MOB1B: variants seen among roughly 807,000 people sequenced by gnomAD.
MOB1B encodes the protein MOB kinase activator 1B.
Under a neutral mutation model 24.4 loss-of-function variants are expected in MOB1B, and 19 were observed. That is an observed-to-expected ratio of 0.78 (90% CI 0.54 to 1.14). The LOEUF is 1.14. Among genes scored for constraint, MOB1B ranks in the 50% most tolerant of loss-of-function variants. The pLI, the probability that MOB1B is intolerant of heterozygous loss-of-function variation, is 0.00. For synonymous variants in MOB1B, 76 were observed against 82.1 expected, an observed-to-expected ratio of 0.93 and a Z score of 0.40; for missense variants, 243 against 259.6, an observed-to-expected ratio of 0.94 and a Z score of 0.44.
rs1739388221 is a variant in MOB1B at position 70,986,557 on chromosome 4, C to T, written c.*4500C>T. ...TTATCTGGGATATTAAAGAATCTAC[C>T]AATTCTTAAAAACACAGATTTATAC... is the stretch of plus-strand genomic sequence containing the variant. On this transcript the variant is annotated 3_prime_UTR_variant, in exon 6 of 6. Coordinates refer to ENST00000309395, the MANE Select transcript of MOB1B (RefSeq NM_173468.4). 6.6e-6 allele frequency: 1 copy of T among 151,814 alleles called. No individual in the cohort carries two copies. Among genetic ancestry groups the T allele is most frequent in the South Asian group, 2.1e-4 (1 of 4,816 alleles). The allele number at this position is 151,814 out of a possible 1,614,324, so 9.4% of individuals were successfully genotyped here.
chr4:70,937,884 C>T (rs1299122255), intron 1 of MOB1B, among the ~76,000 whole-genome samples: 1 of 151,722 alleles, frequency 6.6e-6, no homozygotes, highest in Non-Finnish European at 1.5e-5. Flanking sequence ...ATTTTCTATT[C>T]CTTGTATTTT....
In MOB1B at chr4:70,927,536, T is replaced by C. The variant is rs550827616; in HGVS notation, c.14+24986T>C. On this transcript the variant is annotated intron_variant, in intron 1 of 5. Coordinates refer to ENST00000309395, the MANE Select transcript of MOB1B (RefSeq NM_173468.4). The stretch of plus-strand genomic sequence containing the variant: ...GCCTGGGCAACAGAGTGAGAATCTG[T>C]CTCAAAAAAAAAAAAATTGCCGTCA... Among the ~76,000 whole-genome samples the C allele has an allele frequency of 1.1e-4, 16 of 149,482 alleles. No individual in the cohort carries two copies. The South Asian group carries it at 2.7e-3, about 26-fold the overall frequency.
At position 70,986,014 on chromosome 4, in the gene MOB1B, T is replaced by G. The variant is rs1578411513; in HGVS notation, c.*3957T>G. ...ACTATTTTGAAGTGGAAATTATCAC[T>G]TGGATGTGGAGGTTTTACTTTTTAA... On this transcript the variant is annotated 3_prime_UTR_variant, in exon 6 of 6. Coordinates refer to ENST00000309395, the MANE Select transcript of MOB1B (RefSeq NM_173468.4). 6.6e-6 allele frequency: 1 copy of G among 152,220 alleles called. No homozygotes were observed. The highest frequency in any genetic ancestry group is 2.4e-5 in the African/African-American group (1 of 41,468). 9.4% of individuals were successfully genotyped at this position (152,220 alleles called of 1,614,324 possible).
At chr4:70,974,812 A>G (rs938273974) in intron 3 of MOB1B, among the ~76,000 whole-genome samples, 2 of 152,222 alleles carry the variant, frequency 1.3e-5, no homozygotes, top group Non-Finnish European at 1.5e-5. Flanking sequence ...AAACAACCAT[A>G]AAGTCCAAAA....
At chr4:70,936,394 A>G (rs1300811509) in intron 1 of MOB1B, among the ~76,000 whole-genome samples, 2 of 152,160 alleles carry the variant, frequency 1.3e-5, no homozygotes, top group African/African-American at 4.8e-5. Flanking sequence ...ACCCAAACTG[A>G]AAGTAAAACT....
Position 70,958,919 on chromosome 4 carries a change from A to T in MOB1B, c.60A>T (p.Pro20=). 1 of 1,614,014 alleles carries T rather than the reference A, an allele frequency of 6.2e-7. No individual in the cohort carries two copies. Among genetic ancestry groups the T allele is most frequent in the Middle Eastern group, 1.6e-4 (1 of 6,062 alleles). Residue 20 remains proline (P), a synonymous_variant, in exon 2 of 6, where the codon CCA becomes CCT. Coordinates refer to ENST00000309395, the MANE Select transcript of MOB1B (RefSeq NM_173468.4). ...SKTFKPKKNI[P]EGSHQYELLK... The stretch of plus-strand genomic sequence containing the variant: ...CTTTTAAACCAAAGAAGAACATTCC[A>T]GAGGGTTCTCACCAGTATGAGCTCT...
rs1198930717 is a variant in MOB1B at position 70,986,101 on chromosome 4, C to A, written c.*4044C>A. ...AGTTAGATATACTAATGGAAAAAAA[C>A]CAAGTCCTTTCTCTAGAACTTGTTT... On this transcript the variant is annotated 3_prime_UTR_variant, in exon 6 of 6. Coordinates refer to ENST00000309395, the MANE Select transcript of MOB1B (RefSeq NM_173468.4). The A allele has an allele frequency of 1.3e-5, 2 of 152,064 alleles. No homozygotes were observed. The highest frequency in any genetic ancestry group is 2.4e-5 in the African/African-American group (1 of 41,396). The allele number at this position is 152,064 out of a possible 1,614,324, so 9.4% of individuals were successfully genotyped here.
intron 1 of MOB1B, among the ~76,000 whole-genome samples, chr4:70,927,805 G>A (rs554399619): frequency 1.3e-5 from 2 of 152,160 alleles, no homozygotes; most frequent in East Asian, 3.9e-4. Flanking sequence ...GGGCATTTCA[G>A]GTAGATATTG....
intron 2 of MOB1B, among the ~76,000 whole-genome samples, chr4:70,965,074 G>T (rs1490199948): frequency 1.3e-5 from 2 of 151,684 alleles, no homozygotes; most frequent in African/African-American, 4.8e-5. Context: ...GAGGTAGGTG[G>T]ATACTTGAGG....
intron 2 of MOB1B, 22 bp downstream of exon 2, chr4:70,959,062 C>A: frequency 6.2e-7 from 1 of 1,607,540 alleles, no homozygotes; most frequent in South Asian, 1.1e-5. Context: ...TTTTATTTCT[C>A]AGTAGCCTGT....
At chr4:70,957,419 G>A (rs1738108825) in intron 1 of MOB1B, among the ~76,000 whole-genome samples, 1 of 150,864 alleles carries the variant, frequency 6.6e-6, no homozygotes, top group African/African-American at 2.4e-5. Flanking sequence ...TTTAAAAATC[G>A]CTCGCTCTCT....
At chr4:70,913,492 C>T (rs1203175708) in intron 1 of MOB1B, among the ~76,000 whole-genome samples, 1 of 151,886 alleles carries the variant, frequency 6.6e-6, no homozygotes, top group African/African-American at 2.4e-5. Context: ...AGACAGCCCA[C>T]ATTGCCAGGG....
chr4:70,905,385 A>G (rs1735699836), intron 1 of MOB1B, among the ~76,000 whole-genome samples: 1 of 151,896 alleles, frequency 6.6e-6, no homozygotes, highest in Admixed American at 6.6e-5. Flanking sequence ...AGTAGCTGGT[A>G]CTACAGGTAT....
At chr4:70,933,274 G>A (rs932283288) in intron 1 of MOB1B, among the ~76,000 whole-genome samples, 7 of 151,978 alleles carry the variant, frequency 4.6e-5, no homozygotes, top group Admixed American at 2.0e-4. Context: ...CTCCCACCAC[G>A]CCCCTCCTCC....
chr4:70,904,556 C>T (rs541338885), intron 1 of MOB1B, among the ~76,000 whole-genome samples: 7 of 151,590 alleles, frequency 4.6e-5, no homozygotes, highest in South Asian at 2.1e-4. Flanking sequence ...GTCAGGAGTT[C>T]GAGATCAGCC....
intron 1 of MOB1B, among the ~76,000 whole-genome samples, chr4:70,913,180 G>C (rs1286123816): frequency 9.2e-5 from 14 of 152,180 alleles, no homozygotes; most frequent in African/African-American, 3.1e-4. Context: ...ATGTTTCCTT[G>C]TGCATTTGAG....
intron 1 of MOB1B, among the ~76,000 whole-genome samples, chr4:70,925,716 T>C (rs1251004835): frequency 6.6e-6 from 1 of 152,174 alleles, no homozygotes; most frequent in African/African-American, 2.4e-5. Flanking sequence ...CCAAAGTGGA[T>C]GCCTGTATAT....
chr4:70,979,021 A>G (rs1412772611), intron 4 of MOB1B, 107 bp from the exon 5 acceptor site: 2 of 855,662 alleles, frequency 2.3e-6, no homozygotes, highest in Non-Finnish European at 1.9e-6. Context: ...CATAAATGCT[A>G]CTTCTTTTCA....
At chr4:70,971,840 C>A (rs1032108611) in intron 3 of MOB1B, among the ~76,000 whole-genome samples, 1 of 152,112 alleles carries the variant, frequency 6.6e-6, no homozygotes, top group Non-Finnish European at 1.5e-5. Context: ...TGCATGTGTG[C>A]GTACATAGTG....
Sources: gnomAD v4.1 joint callset for allele counts (sites outside exome capture counted in the v4.1 genomes callset) on GRCh38, gnomAD v4.1.1 for gene constraint, MANE v1.5 for transcripts, NCBI Gene and HGNC (gene_info 2026-07-23, HGNC 2026-07-21) for gene names.